The following KCNH8 variants were observed in gnomAD, a reference collection of about 807,000 sequenced individuals.
KCNH8 encodes the protein voltage-gated delayed rectifier potassium channel KCNH8.
KCNH8 carries 70 observed loss-of-function variants against 103.6 expected under a neutral mutation model. That is an observed-to-expected ratio of 0.68 (90% CI 0.56 to 0.82). The LOEUF (loss-of-function observed/expected upper bound fraction) is 0.82. Among genes scored for constraint, KCNH8 ranks in the 40% least tolerant of loss-of-function variants. KCNH8 has a pLI of 0.00. For synonymous variants in KCNH8, 498 were observed against 489.4 expected, an observed-to-expected ratio of 1.02 and a Z score of -0.23; for missense variants, 1,217 against 1,329.9, an observed-to-expected ratio of 0.92 and a Z score of 1.32.
intron 7 of KCNH8, among the ~76,000 whole-genome samples, chr3:19,417,884 G>A (rs2066887362): frequency 6.6e-6 from 1 of 152,150 alleles, no homozygotes; most frequent in Non-Finnish European, 1.5e-5. Context: ...GAGACATACT[G>A]TTGTGAATAA....
At chr3:19,438,048 C>A in intron 7 of KCNH8, 116 bp from the exon 8 acceptor site, 1 of 795,262 alleles carries the variant, frequency 1.3e-6, no homozygotes, top group Non-Finnish European at 2.1e-6. Flanking sequence ...TTTTTACCTT[C>A]TTCTTCCTCT....
At chr3:19,226,149 CT>C (rs1394197679) in intron 1 of KCNH8, among the ~76,000 whole-genome samples, 5 of 152,116 alleles carry the variant, frequency 3.3e-5, no homozygotes, top group Non-Finnish European at 7.3e-5. Context: ...ATATTAAGGC[CT>C]TTATATTGAG....
At chr3:19,267,149 G>C (rs1412218689) in intron 2 of KCNH8, among the ~76,000 whole-genome samples, 1 of 151,998 alleles carries the variant, frequency 6.6e-6, no homozygotes, top group Non-Finnish European at 1.5e-5. Context: ...GCACAAAGGA[G>C]GTAAACAAAA....
chr3:19,384,651 A>G (rs538439367), intron 5 of KCNH8, among the ~76,000 whole-genome samples: 28 of 152,292 alleles, frequency 1.8e-4, no homozygotes, highest in African/African-American at 6.7e-4. Flanking sequence ...AAAAAATTTT[A>G]AATTTTATAA....
At chr3:19,532,433 T>C (rs2069178023) in intron 15 of KCNH8, among the ~76,000 whole-genome samples, 1 of 152,188 alleles carries the variant, frequency 6.6e-6, no homozygotes, top group South Asian at 2.1e-4. Flanking sequence ...TCTGCAAACT[T>C]TCTCTGTAGC....
At chr3:19,220,568 A>G (rs1165858260) in intron 1 of KCNH8, among the ~76,000 whole-genome samples, 1 of 151,134 alleles carries the variant, frequency 6.6e-6, no homozygotes, top group African/African-American at 2.5e-5. Context: ...CTCCCTACAC[A>G]GATGTGGGAA....
intron 11 of KCNH8, among the ~76,000 whole-genome samples, chr3:19,496,059 C>G (rs899431273): frequency 7.2e-5 from 11 of 152,164 alleles, no homozygotes; most frequent in African/African-American, 1.4e-4. Flanking sequence ...GTACCTGAAA[C>G]TTTGCTGAAA....
chr3:19,185,989 C>T (rs2063498635), intron 1 of KCNH8, among the ~76,000 whole-genome samples: 2 of 152,010 alleles, frequency 1.3e-5, no homozygotes, highest in Non-Finnish European at 2.9e-5. Flanking sequence ...TTACCAATTG[C>T]AGATGTTACC....
intron 5 of KCNH8, among the ~76,000 whole-genome samples, chr3:19,360,939 G>C (rs956247698): frequency 2.6e-5 from 4 of 152,018 alleles, no homozygotes; most frequent in Non-Finnish European, 4.4e-5. Flanking sequence ...ATTATGATGA[G>C]TATTCATTTA....
intron 2 of KCNH8, among the ~76,000 whole-genome samples, chr3:19,277,786 T>C (rs571117432): frequency 6.6e-6 from 1 of 152,264 alleles, no homozygotes; most frequent in Admixed American, 6.5e-5. Flanking sequence ...CTCTCCACAA[T>C]TGTATTTATC....
intron 4 of KCNH8, among the ~76,000 whole-genome samples, chr3:19,347,133 C>T (rs532608024): frequency 2.0e-5 from 3 of 152,122 alleles, no homozygotes; most frequent in East Asian, 1.9e-4. Context: ...GTCAAGGTAA[C>T]GAGATTTGGG....
intron 2 of KCNH8, among the ~76,000 whole-genome samples, chr3:19,267,958 A>G (rs557319158): frequency 6.6e-6 from 1 of 152,154 alleles, no homozygotes; most frequent in Non-Finnish European, 1.5e-5. Context: ...TCTGACACAT[A>G]ATATGTGCTC....
At chr3:19,316,620 A>T (rs1054282253) in intron 3 of KCNH8, among the ~76,000 whole-genome samples, 7 of 151,936 alleles carry the variant, frequency 4.6e-5, no homozygotes, top group African/African-American at 1.7e-4. Flanking sequence ...CAGCTCTTAC[A>T]TATCATGTTG....
At chr3:19,152,002 A>G (rs1310289477) in intron 1 of KCNH8, among the ~76,000 whole-genome samples, 3 of 152,136 alleles carry the variant, frequency 2.0e-5, no homozygotes, top group Non-Finnish European at 4.4e-5. Context: ...GGGGAAAAAG[A>G]AAAAGTAATT....
intron 4 of KCNH8, among the ~76,000 whole-genome samples, chr3:19,344,233 A>T (rs1333661749): frequency 6.6e-6 from 1 of 152,100 alleles, no homozygotes; most frequent in East Asian, 1.9e-4. Flanking sequence ...CAAATCAACC[A>T]GCAAAGCACC....
At chr3:19,225,419 A>G (rs190152869) in intron 1 of KCNH8, among the ~76,000 whole-genome samples, 75 of 152,228 alleles carry the variant, frequency 4.9e-4, no homozygotes, top group African/African-American at 1.4e-3. Flanking sequence ...TTTCGATCAC[A>G]TTAGGCTATA....
At chr3:19,196,816 G>T (rs2063607188) in intron 1 of KCNH8, among the ~76,000 whole-genome samples, 1 of 151,946 alleles carries the variant, frequency 6.6e-6, no homozygotes, top group Non-Finnish European at 1.5e-5. Flanking sequence ...TATGCTTTAT[G>T]TTTGTTTGAG....
Position 19,250,563 on chromosome 3 carries a change from T to G in KCNH8, c.77-3091T>G, listed in dbSNP as rs749748336. 5.7e-4 allele frequency among the ~76,000 whole-genome samples: 87 copies of G among 152,348 alleles called. 1 individual carries two copies. The highest frequency in any genetic ancestry group is 3.4e-3 in the Middle Eastern group (1 of 294). On this transcript the variant is annotated intron_variant, in intron 1 of 15. Transcript: ENST00000328405. Reference sequence around the variant, plus strand: ...TTAGGATAAAATGAAATGTTTATTCTGCCTGCAATTCTTGTTTCCGTATTC... The same window carrying G: ...TTAGGATAAAATGAAATGTTTATTCGGCCTGCAATTCTTGTTTCCGTATTC...
intron 5 of KCNH8, among the ~76,000 whole-genome samples, chr3:19,385,716 T>C (rs1003036602): frequency 6.6e-6 from 1 of 152,202 alleles, no homozygotes; most frequent in Non-Finnish European, 1.5e-5. Context: ...ATCAGCTCTC[T>C]ATTCATTCGT....
Sources: gnomAD v4.1 joint callset for allele counts (sites outside exome capture counted in the v4.1 genomes callset) on GRCh38, gnomAD v4.1.1 for gene constraint, MANE v1.5 for transcripts, NCBI Gene and HGNC (gene_info 2026-07-23, HGNC 2026-07-21) for gene names.